ASTN1: variants seen among roughly 807,000 people sequenced by gnomAD.
ASTN1 encodes the protein astrotactin 1, also known as astrotactin-1.
In ASTN1, 41 loss-of-function variants were observed where a neutral mutation model predicts 140.7. The observed-to-expected ratio is 0.29, with a 90% confidence interval of 0.23 to 0.38. The LOEUF (loss-of-function observed/expected upper bound fraction) is 0.38, where lower values mean the gene tolerates loss of function less well. ASTN1 is among the 10% of genes least tolerant of loss of function. ASTN1 has a pLI of 1.00. For synonymous variants in ASTN1, 640 were observed against 652.2 expected (o/e 0.98, Z 0.29); for missense variants, 1,479 against 1,678.8 (o/e 0.88, Z 2.08).
intron 11 of ASTN1, among the ~76,000 whole-genome samples, chr1:176,951,788 G>A (rs964642830): frequency 2.0e-5 from 3 of 152,160 alleles, no homozygotes; most frequent in African/African-American, 2.4e-5. Context: ...TAGCTGTCTT[G>A]TCCAGGTTTT....
intron 8 of ASTN1, among the ~76,000 whole-genome samples, 194 bp from the exon 9 acceptor site, chr1:176,965,431 A>G (rs1672836374): frequency 6.6e-6 from 1 of 152,228 alleles, no homozygotes; most frequent in South Asian, 2.1e-4. Flanking sequence ...CGATAAATGT[A>G]AAAATCACTG....
At position 176,884,442 on chromosome 1, in the gene ASTN1, C is replaced by T. The variant is rs1474750122; in HGVS notation, c.3123G>A (p.Leu1041=). The change falls in exon 19 of 23, where the codon CTG becomes CTA. Residue 1041 remains leucine, a synonymous_variant. Coordinates refer to ENST00000361833, the MANE Select transcript of ASTN1 (RefSeq NM_004319.3). Reference sequence around the variant, plus strand: ...TTGGTGGCTCTGAGTGTTCCCACTCCAGGACCACAAGAGTGCTGCTGGGCT... The same window carrying T: ...TTGGTGGCTCTGAGTGTTCCCACTCTAGGACCACAAGAGTGCTGCTGGGCT... ...VHEPSSTLVV[L]EWEHSEPPIG... 1 of 1,614,072 alleles carries T rather than the reference C, an allele frequency of 6.2e-7. No individual in the cohort carries two copies.
intron 7 of ASTN1, among the ~76,000 whole-genome samples, chr1:177,017,102 C>T (rs1027367910): frequency 5.3e-5 from 8 of 152,158 alleles, no homozygotes; most frequent in African/African-American, 1.9e-4. Flanking sequence ...TCAAGCCGAG[C>T]CTTATTTTCC....
At chr1:177,086,810 C>G (rs1285487729) in intron 1 of ASTN1, among the ~76,000 whole-genome samples, 1 of 152,004 alleles carries the variant, frequency 6.6e-6, no homozygotes, top group Non-Finnish European at 1.5e-5. Flanking sequence ...CTGCTTTTTT[C>G]TAATTGTTCC....
intron 16 of ASTN1, among the ~76,000 whole-genome samples, chr1:176,929,895 C>A (rs11581825): frequency 6.6e-6 from 1 of 152,138 alleles, no homozygotes; most frequent in East Asian, 1.9e-4. Flanking sequence ...GTAGTCCCAG[C>A]TACTCAGGAG....
intron 21 of ASTN1, among the ~76,000 whole-genome samples, chr1:176,874,370 C>T (rs1469426065): frequency 6.6e-6 from 1 of 152,194 alleles, no homozygotes; most frequent in African/African-American, 2.4e-5. Context: ...CGGTATGTAA[C>T]TTGAACAGTC....
At chr1:176,906,338 T>A (rs916227879) in intron 16 of ASTN1, among the ~76,000 whole-genome samples, 3 of 152,040 alleles carry the variant, frequency 2.0e-5, no homozygotes, top group Non-Finnish European at 4.4e-5. Context: ...AAGAGAGAAA[T>A]GATGAGAAGA....
intron 8 of ASTN1, among the ~76,000 whole-genome samples, chr1:176,966,819 T>G (rs1672911555): frequency 6.6e-6 from 1 of 151,994 alleles, no homozygotes; most frequent in African/African-American, 2.4e-5. Context: ...TAGGAAGATA[T>G]AATTATTAAA....
At chr1:176,913,511 C>T (rs1279943416) in intron 16 of ASTN1, among the ~76,000 whole-genome samples, 2 of 152,000 alleles carry the variant, frequency 1.3e-5, no homozygotes, top group Admixed American at 1.3e-4. Context: ...GTAATAATAA[C>T]AGCTGCTCAC....
At chr1:176,971,727 A>T (rs897654045) in intron 8 of ASTN1, among the ~76,000 whole-genome samples, 6 of 152,174 alleles carry the variant, frequency 3.9e-5, no homozygotes, top group Non-Finnish European at 8.8e-5. Context: ...CATCATGACT[A>T]CTATACCCAC....
rs998174966 is a variant in ASTN1 at position 176,876,741 on chromosome 1, G to A, written c.3363-104C>T. On this transcript the variant is annotated intron_variant, in intron 20 of 22. Transcript: ENST00000361833. ...CAGCTCTGCCTGAATGGGTGGCTAT[G>A]GACCCAGATACTCTCGTCATCCTGG... 1.5e-5 allele frequency: 16 copies of A among 1,089,318 alleles called. No homozygotes were observed. The Middle Eastern group carries it at 1.7e-3, about 117-fold the overall frequency. The allele number at this position is 1,089,318 out of a possible 1,614,324, so 67.5% of individuals were successfully genotyped here.
chr1:176,958,034 C>T (rs181110021), intron 10 of ASTN1, among the ~76,000 whole-genome samples: 14 of 152,310 alleles, frequency 9.2e-5, no homozygotes, highest in Admixed American at 7.8e-4. Context: ...GCTGTAACGC[C>T]TGGTCAAAGA....
chr1:176,858,895 C>T (rs1480212028), downstream of ASTN1, among the ~76,000 whole-genome samples: 1 of 152,156 alleles, frequency 6.6e-6, no homozygotes, highest in Non-Finnish European at 1.5e-5. Flanking sequence ...TGTCAGACAG[C>T]CCTTGGTCAA....
intron 1 of ASTN1, among the ~76,000 whole-genome samples, chr1:177,071,013 A>G (rs955480623): frequency 3.3e-5 from 5 of 152,234 alleles, no homozygotes; most frequent in Non-Finnish European, 5.9e-5. Context: ...TAAGCAAATT[A>G]TACCTTTAAA....
chr1:177,127,982 T>C (rs1681743929), intron 1 of ASTN1, among the ~76,000 whole-genome samples: 1 of 150,868 alleles, frequency 6.6e-6, no homozygotes, highest in Non-Finnish European at 1.5e-5. Context: ...AGTGAAGCAA[T>C]CATCAGGTTC....
chr1:176,868,749 G>T, intron 22 of ASTN1, 95 bp downstream of exon 22: 1 of 1,338,630 alleles, frequency 7.5e-7, no homozygotes, highest in Non-Finnish European at 1.0e-6. Context: ...AGCTCATCCA[G>T]GAAATCTCTA....
At chr1:176,968,230 C>G (rs574887633) in intron 8 of ASTN1, among the ~76,000 whole-genome samples, 1 of 152,190 alleles carries the variant, frequency 6.6e-6, no homozygotes, top group Non-Finnish European at 1.5e-5. Context: ...TAGAACAGTG[C>G]GTGGCATTTA....
intron 1 of ASTN1, among the ~76,000 whole-genome samples, chr1:177,068,675 A>C (rs1201045973): frequency 6.6e-6 from 1 of 152,054 alleles, no homozygotes. Flanking sequence ...ACAAAACCAA[A>C]CATGACACTT....
intron 1 of ASTN1, among the ~76,000 whole-genome samples, chr1:177,120,372 G>T (rs1422889986): frequency 3.3e-5 from 5 of 152,140 alleles, no homozygotes; most frequent in Non-Finnish European, 2.9e-5. Context: ...ACACCTGCTT[G>T]CCCTCTGGTC....
Sources: gnomAD v4.1 joint callset for allele counts (sites outside exome capture counted in the v4.1 genomes callset) on GRCh38, gnomAD v4.1.1 for gene constraint, MANE v1.5 for transcripts, NCBI Gene and HGNC (gene_info 2026-07-23, HGNC 2026-07-21) for gene names.